The following PPM1A variants were observed in gnomAD, a reference collection of about 807,000 sequenced individuals.
PPM1A encodes protein phosphatase 1A.
In PPM1A, 7 loss-of-function variants were observed where a neutral mutation model predicts 35.0. The observed-to-expected ratio is 0.20, with a 90% CI of 0.11 to 0.38. PPM1A has a LOEUF of 0.38. PPM1A is among the 10% of genes least tolerant of loss of function. PPM1A has a pLI of 1.00. For missense variants in PPM1A, 239 were observed against 467.8 expected (o/e 0.51, Z 4.51); for synonymous variants, 153 against 167.3 (o/e 0.91, Z 0.66).
intron 1 of PPM1A, among the ~76,000 whole-genome samples, chr14:60,274,986 G>A (rs930758515): frequency 6.6e-6 from 1 of 150,550 alleles, no homozygotes; most frequent in East Asian, 2.0e-4. Context: ...GGCTTTGCTA[G>A]AAATTACAAT....
At chr14:60,286,519 GA>G (rs1411722385) in intron 3 of PPM1A, 29 of 984,400 alleles carry the variant, frequency 2.9e-5, no homozygotes, top group Middle Eastern at 5.2e-4. Flanking sequence ...AGCTGAGGTA[GA>G]AAAAAAACAA....
intron 1 of PPM1A, among the ~76,000 whole-genome samples, chr14:60,269,101 T>TAAA (rs2139432518): frequency 6.6e-6 from 1 of 152,278 alleles, no homozygotes; most frequent in Admixed American, 6.5e-5. Context: ...GACCACATCT[T>TAAA]TTACCAATTT....
chr14:60,262,742 T>C (rs983296104), intron 1 of PPM1A, among the ~76,000 whole-genome samples: 7 of 152,090 alleles, frequency 4.6e-5, no homozygotes, highest in African/African-American at 1.4e-4. Context: ...GATTTAAAGA[T>C]TGCTATGATT....
At position 60,283,114 on chromosome 14, in the gene PPM1A, A is replaced by T. The variant is rs757235666; in HGVS notation, c.411A>T (p.Gln137His). The T allele has an allele frequency of 1.9e-6, 3 of 1,614,220 alleles. No individual in the cohort carries two copies. The South Asian group carries it at 3.3e-5, about 18-fold the overall frequency. The change falls in exon 2 of 6, where the codon CAA becomes CAT. Residue 137 changes from glutamine to histidine, a missense_variant. By Grantham distance (24) the Gln-to-His change is conservative. Coordinates refer to ENST00000395076, the MANE Select transcript of PPM1A (RefSeq NM_021003.5). This position sits in a 1 kb window ranked among gnomAD's most constrained non-coding sequence, Gnocchi z 6.3. ...STAVGVLISP[Q>H]HTYFINCGDS... ...CTGTAGGTGTCTTAATTTCTCCCCA[A>T]CATACTTATTTCATTAACTGTGGAG...
rs763724143 is a variant in PPM1A at position 60,289,954 on chromosome 14, G to A, written c.1061+40G>A. On this transcript the variant is annotated intron_variant, in intron 4 of 5. Transcript: ENST00000395076. This position sits in a 1 kb window ranked among gnomAD's most constrained non-coding sequence, Gnocchi z 4.1. ...GTACACTCTTATGCTTTATGTCAGT[G>A]TATGAAAATGTTAGGTATTCATTGA... 2.3e-6 allele frequency: 3 copies of A among 1,302,390 alleles called. No individual in the cohort carries two copies. The highest frequency in any genetic ancestry group is 5.3e-5 in the Admixed American group (2 of 37,644). 80.7% of individuals were successfully genotyped at this position (1,302,390 alleles called of 1,614,324 possible). A position where few individuals can be genotyped will look rare whatever the true frequency, so the allele number is the denominator to read the frequency against.
intron 1 of PPM1A, among the ~76,000 whole-genome samples, chr14:60,253,854 G>A (rs554308465): frequency 7.9e-5 from 12 of 152,264 alleles, no homozygotes; most frequent in South Asian, 4.2e-4. Context: ...GAAGGGCCCC[G>A]TGGTGGACAT....
At chr14:60,265,322 T>C (rs1413878956) in intron 1 of PPM1A, among the ~76,000 whole-genome samples, 4 of 152,196 alleles carry the variant, frequency 2.6e-5, no homozygotes, top group Admixed American at 6.5e-5. Flanking sequence ...ACCCTAGGTA[T>C]TGGTTTCAAG....
At chr14:60,291,744 T>G (rs1339879315) in intron 5 of PPM1A, among the ~76,000 whole-genome samples, 1 of 149,824 alleles carries the variant, frequency 6.7e-6, no homozygotes, top group East Asian at 2.0e-4. Context: ...TTGCCTCCAC[T>G]ACATGGTTTT....
At position 60,295,187 on chromosome 14, in the gene PPM1A, T is replaced by C. The variant is rs192456205; in HGVS notation, c.*2705T>C. On this transcript the variant is annotated 3_prime_UTR_variant, in exon 6 of 6. Transcript: ENST00000395076. ...CATTTAAATGTCTTATTTGCTGCTA[T>C]GAATAGGAAATAACATTTTGTATAG... The C allele has an allele frequency of 6.6e-6, 1 of 151,936 alleles. No individual in the cohort carries two copies. The highest frequency in any genetic ancestry group is 1.5e-5 in the Non-Finnish European group (1 of 67,764). The allele number at this position is 151,936 out of a possible 1,614,324, so 9.4% of individuals were successfully genotyped here.
At chr14:60,278,293 A>G (rs1885986881) in intron 1 of PPM1A, among the ~76,000 whole-genome samples, 1 of 151,990 alleles carries the variant, frequency 6.6e-6, no homozygotes, top group Non-Finnish European at 1.5e-5. Context: ...ATGTGCTTTT[A>G]AAAGATTTCA....
At chr14:60,276,212 T>C (rs1885740984) in intron 1 of PPM1A, among the ~76,000 whole-genome samples, 1 of 152,142 alleles carries the variant, frequency 6.6e-6, no homozygotes, top group Non-Finnish European at 1.5e-5. Flanking sequence ...CAGTAGAGAG[T>C]TTACGCTCTA....
At position 60,249,347 on chromosome 14, in the gene PPM1A, G is replaced by A. The variant is rs1474249114; in HGVS notation, c.-351G>A. 3 of 983,022 alleles carry A rather than the reference G, an allele frequency of 3.1e-6. No homozygotes were observed. The highest frequency in any genetic ancestry group is 6.2e-5 in the Admixed American group (1 of 16,074). The allele number at this position is 983,022 out of a possible 1,614,324, so 60.9% of individuals were successfully genotyped here. ...TCAGGCGGCTGTTGCTCCGGAACGG[G>A]TGGTTGGGGAGGGGGGGGTGGGGGG... On this transcript the variant is annotated 5_prime_UTR_variant, in exon 1 of 6. In the 5' UTR this introduces an upstream ATG that the reference lacks. Coordinates refer to ENST00000395076, the MANE Select transcript of PPM1A (RefSeq NM_021003.5). This position sits in a 1 kb window ranked among gnomAD's most constrained non-coding sequence, Gnocchi z 4.5.
In PPM1A at chr14:60,296,618, TCTTA is replaced by T; in HGVS notation, c.*4140_*4143del. ...TCAAAATTTTAGAAGCCTAATTTGC[TCTTA>T]CTTCCTTCAATTATGTGCCATGTGT... On this transcript the variant is annotated 3_prime_UTR_variant, in exon 6 of 6. Transcript: ENST00000395076. This position sits in a 1 kb window ranked among gnomAD's most constrained non-coding sequence, Gnocchi z 4.4. 3.0e-6 allele frequency: 1 copy of T among 337,330 alleles called. No homozygotes were observed. The highest frequency in any genetic ancestry group is 5.5e-6 in the Non-Finnish European group (1 of 182,838). The allele number at this position is 337,330 out of a possible 1,614,324, so 20.9% of individuals were successfully genotyped here.
chr14:60,249,648 C>T lies in PPM1A; in HGVS notation c.-50C>T. The T allele has an allele frequency of 1.1e-5, 11 of 985,860 alleles. No individual in the cohort carries two copies. The highest frequency in any genetic ancestry group is 1.2e-5 in the Non-Finnish European group (10 of 830,672). 61.1% of individuals were successfully genotyped at this position (985,860 alleles called of 1,614,324 possible). A position where few individuals can be genotyped will look rare whatever the true frequency, so the allele number is the denominator to read the frequency against. On this transcript the variant is annotated 5_prime_UTR_variant, in exon 1 of 6. Coordinates refer to ENST00000395076, the MANE Select transcript of PPM1A (RefSeq NM_021003.5). This position sits in a 1 kb window ranked among gnomAD's most constrained non-coding sequence, Gnocchi z 4.5. The stretch of plus-strand genomic sequence containing the variant: ...TGCCGCCGCCGCCGCCTCGGCCGAC[C>T]AGGGACCTGCCCGCCTGCGGCTGCT...
At chr14:60,274,144 A>T (rs1885476969) in intron 1 of PPM1A, among the ~76,000 whole-genome samples, 2 of 152,302 alleles carry the variant, frequency 1.3e-5, no homozygotes, top group East Asian at 1.9e-4. Context: ...AAAGGAGACG[A>T]CGGAAAAGCT....
In PPM1A at chr14:60,292,612, A is replaced by G; in HGVS notation, c.*130A>G. On this transcript the variant is annotated 3_prime_UTR_variant, in exon 6 of 6. Transcript: ENST00000395076. This position sits in a 1 kb window ranked among gnomAD's most constrained non-coding sequence, Gnocchi z 4.2. ...TGACATGGGTGAGAATGATTACATC[A>G]GAGAACTTCAGCAGTACAACAGCTA... 1 of 676,286 alleles carries G rather than the reference A, an allele frequency of 1.5e-6. No homozygotes were observed. Among genetic ancestry groups the G allele is most frequent in the Non-Finnish European group, 2.4e-6 (1 of 421,360 alleles). 41.9% of individuals were successfully genotyped at this position (676,286 alleles called of 1,614,324 possible).
At chr14:60,262,932 G>A (rs1472700201) in intron 1 of PPM1A, among the ~76,000 whole-genome samples, 1 of 152,250 alleles carries the variant, frequency 6.6e-6, no homozygotes, top group East Asian at 1.9e-4. Context: ...GACATGAATA[G>A]TTCCTGGGTT....
chr14:60,268,574 T>C (rs906744077), intron 1 of PPM1A: 1 of 237,906 alleles, frequency 4.2e-6, no homozygotes, highest in Non-Finnish European at 6.8e-6. Context: ...TTATTTTATT[T>C]TGTATGTGTG....
At chr14:60,248,341 G>A (rs1173136469), upstream of PPM1A, among the ~76,000 whole-genome samples, 2 of 152,200 alleles carry the variant, frequency 1.3e-5, no homozygotes, top group African/African-American at 4.8e-5. Context: ...ATTGGAGGTC[G>A]TTGGAGGTCC....
Sources: allele counts gnomAD v4.1 joint callset (sites outside exome capture counted in the v4.1 genomes callset), GRCh38; gene constraint gnomAD v4.1.1; non-coding constraint Gnocchi (gnomAD v3.1); transcripts MANE v1.5; gene names NCBI Gene and HGNC (gene_info 2026-07-23, HGNC 2026-07-21).